TDRD3: variants seen among roughly 807,000 people sequenced by gnomAD.
The protein encoded by TDRD3 is tudor domain containing 3.
A neutral mutation model predicts 86.7 loss-of-function variants in TDRD3; 45 were observed. The ratio of observed to expected loss-of-function variants is 0.52; its 90% CI spans 0.41 to 0.67. The LOEUF is 0.67. Among genes scored for constraint, TDRD3 ranks in the 30% least tolerant of loss-of-function variants. TDRD3 has a pLI of 0.00. For missense variants in TDRD3, 814 were observed against 889.0 expected, an observed-to-expected ratio of 0.92 and a Z score of 1.07; for synonymous variants, 298 against 301.7, an observed-to-expected ratio of 0.99 and a Z score of 0.13.
At chr13:60,423,296 A>G (rs1437382545) in intron 1 of TDRD3, among the ~76,000 whole-genome samples, 1 of 152,168 alleles carries the variant, frequency 6.6e-6, no homozygotes, top group Non-Finnish European at 1.5e-5. Context: ...AAACTTCAGG[A>G]GTTTGCAGGG....
chr13:60,450,459 A>G lies in TDRD3; in HGVS notation c.192+5711A>G, dbSNP rs999644360. On this transcript the variant is annotated intron_variant, in intron 3 of 13. Transcript: ENST00000377881. ...TTTGCCTCTTACTGACTGAGTGACC[A>G]CTGGTAAAGTACTTTATCCTCTGTC... 4.6e-5 allele frequency among the ~76,000 whole-genome samples: 7 copies of G among 152,240 alleles called. No individual in the cohort carries two copies. The South Asian group carries it at 8.3e-4, about 18-fold the overall frequency.
chr13:60,435,836 A>G (rs1241008789), intron 1 of TDRD3, among the ~76,000 whole-genome samples: 1 of 151,540 alleles, frequency 6.6e-6, no homozygotes, highest in Non-Finnish European at 1.5e-5. Context: ...TTCTTTAAGG[A>G]ATCTCCATAC....
At chr13:60,512,631 A>G (rs1957084243) in intron 10 of TDRD3, among the ~76,000 whole-genome samples, 1 of 152,164 alleles carries the variant, frequency 6.6e-6, no homozygotes, top group South Asian at 2.1e-4. Context: ...GGCCAAAACA[A>G]AGGGGCTACA....
intron 12 of TDRD3, chr13:60,537,714 A>G (rs1957728752): frequency 6.6e-6 from 1 of 152,050 alleles, no homozygotes; most frequent in African/African-American, 2.4e-5. Context: ...CAATTACACT[A>G]TGGATTGTGG....
intron 1 of TDRD3, among the ~76,000 whole-genome samples, chr13:60,423,305 G>T (rs1320210086): frequency 2.6e-5 from 4 of 152,044 alleles, no homozygotes; most frequent in African/African-American, 2.4e-5. Context: ...GAGTTTGCAG[G>T]GACACATACA....
chr13:60,504,744 C>T (rs545784921), intron 8 of TDRD3, among the ~76,000 whole-genome samples: 1 of 152,136 alleles, frequency 6.6e-6, no homozygotes, highest in Non-Finnish European at 1.5e-5. Flanking sequence ...GTACCTGGCT[C>T]ATCTCATTGG....
rs180768864 is a variant in TDRD3, at chr13:60,402,759, G to A, written c.41+5354G>A. ...GTTGCCCAGGCTAGAGTGCAATGGC[G>A]CGATCTTGGTTCGTCGCAACCTCCA... On this transcript the variant is annotated intron_variant, in intron 1 of 13. Coordinates refer to ENST00000377881, the MANE Select transcript of TDRD3 (RefSeq NM_001146070.2). 2.3e-3 allele frequency among the ~76,000 whole-genome samples: 336 copies of A among 143,152 alleles called. 4 individuals carry two copies. The highest frequency in any genetic ancestry group is 8.4e-3 in the African/African-American group (321 of 38,026). The allele number at this position is 143,152 out of a possible 152,430, so 93.9% of individuals were successfully genotyped here. A position where few individuals can be genotyped will look rare whatever the true frequency, so the allele number is the denominator to read the frequency against.
At chr13:60,496,201 G>A (rs1956708528) in intron 8 of TDRD3, among the ~76,000 whole-genome samples, 1 of 149,382 alleles carries the variant, frequency 6.7e-6, no homozygotes, top group South Asian at 2.1e-4. Flanking sequence ...AAGTTCTTCA[G>A]TTTTGGAACT....
intron 8 of TDRD3, among the ~76,000 whole-genome samples, chr13:60,503,709 T>G (rs1041992094): frequency 8.5e-5 from 13 of 152,200 alleles, no homozygotes; most frequent in African/African-American, 2.9e-4. Flanking sequence ...CTTAAAACAC[T>G]TGATGTTATG....
intron 12 of TDRD3, chr13:60,537,940 C>T (rs1390444376): frequency 6.6e-6 from 1 of 151,738 alleles, no homozygotes; most frequent in African/African-American, 2.4e-5. Context: ...AAGCCAAAAG[C>T]CTTTGTAGAA....
At chr13:60,436,330 A>G (rs1955105381) in intron 1 of TDRD3, among the ~76,000 whole-genome samples, 2 of 152,096 alleles carry the variant, frequency 1.3e-5, no homozygotes, top group South Asian at 4.1e-4. Context: ...TTCTTTGCCT[A>G]TGCCAATGTC....
intron 5 of TDRD3, among the ~76,000 whole-genome samples, chr13:60,473,572 GATT>G (rs1181877394): frequency 6.6e-6 from 1 of 152,182 alleles, no homozygotes; most frequent in East Asian, 1.9e-4. Flanking sequence ...TTATAGATAT[GATT>G]ATATGTGAAT....
intron 3 of TDRD3, among the ~76,000 whole-genome samples, chr13:60,447,940 A>G (rs1297451911): frequency 1.3e-5 from 2 of 151,994 alleles, no homozygotes; most frequent in Non-Finnish European, 1.5e-5. Flanking sequence ...GTATTTTCCA[A>G]CCACCTTGGA....
rs750703449 is a variant in TDRD3, at chr13:60,528,642, C to T, written c.1417C>T (p.Pro473Ser). ...TGAAGACAGAATCAAATGTGATAGACCGTATTCTAGATATGACAGAACTAA... is the reference window on the plus strand; with the variant it reads ...TGAAGACAGAATCAAATGTGATAGATCGTATTCTAGATATGACAGAACTAA... ...WAEDRIKCDR[P>S]YSRYDRTKDT... is the part of the protein sequence containing the mutation. Residue 473 changes from proline (P) to serine (S), a missense_variant, in exon 11 of 14, where the codon CCG (proline) becomes TCG (serine). Pro to Ser is a moderately conservative substitution (Grantham distance 74). Transcript: ENST00000377881. 6.2e-7 allele frequency: 1 copy of T among 1,613,870 alleles called. No individual in the cohort carries two copies. Among genetic ancestry groups the T allele is most frequent in the Non-Finnish European group, 8.5e-7 (1 of 1,179,908 alleles).
At chr13:60,538,525 C>A (rs1276360403) in intron 12 of TDRD3, among the ~76,000 whole-genome samples, 5 of 151,798 alleles carry the variant, frequency 3.3e-5, no homozygotes, top group South Asian at 2.1e-4. Context: ...AAAATGAGTT[C>A]TTTGAACATT....
chr13:60,506,986 C>G (rs1956952966), intron 8 of TDRD3, among the ~76,000 whole-genome samples: 1 of 152,008 alleles, frequency 6.6e-6, no homozygotes, highest in Non-Finnish European at 1.5e-5. Flanking sequence ...CACACATAGG[C>G]TCAAAATATG....
chr13:60,406,786 A>G (rs529161420), intron 1 of TDRD3, among the ~76,000 whole-genome samples: 2 of 152,206 alleles, frequency 1.3e-5, no homozygotes, highest in East Asian at 3.9e-4. Flanking sequence ...CTTTTAAAAC[A>G]CTCTTTATAA....
chr13:60,445,531 C>T (rs974892401), intron 3 of TDRD3, among the ~76,000 whole-genome samples: 2 of 152,162 alleles, frequency 1.3e-5, no homozygotes, highest in African/African-American at 4.8e-5. Flanking sequence ...GTGGCTATCT[C>T]AGACTTCAGT....
intron 8 of TDRD3, among the ~76,000 whole-genome samples, chr13:60,503,865 C>A (rs1956882978): frequency 6.6e-6 from 1 of 152,120 alleles, no homozygotes; most frequent in Non-Finnish European, 1.5e-5. Context: ...AATGTTAACC[C>A]CAATTGGTTT....
Sources: gnomAD v4.1 joint callset for allele counts (sites outside exome capture counted in the v4.1 genomes callset) on GRCh38, gnomAD v4.1.1 for gene constraint, MANE v1.5 for transcripts, NCBI Gene and HGNC (gene_info 2026-07-23, HGNC 2026-07-21) for gene names.